The following MYO10 variants were observed in gnomAD, a reference collection of about 807,000 sequenced individuals.
The protein encoded by MYO10 is myosin X.
In MYO10, 133 loss-of-function variants were observed where a neutral mutation model predicts 257.3. The ratio of observed to expected loss-of-function variants is 0.52; its 90% CI spans 0.45 to 0.60. The LOEUF (loss-of-function observed/expected upper bound fraction) is 0.60, where lower values mean the gene tolerates loss of function less well. Ranked by LOEUF, MYO10 falls within the 20% of genes least tolerant of loss-of-function variation. The pLI is 0.00. For synonymous variants in MYO10, 1,104 were observed against 1,028.6 expected, an observed-to-expected ratio of 1.07 and a Z score of -1.40; for missense variants, 2,399 against 2,635.7, an observed-to-expected ratio of 0.91 and a Z score of 1.97.
At chr5:16,917,979 T>C (rs1358258203) in intron 1 of MYO10, among the ~76,000 whole-genome samples, 2 of 152,224 alleles carry the variant, frequency 1.3e-5, no homozygotes, top group African/African-American at 2.4e-5. Flanking sequence ...GCTAGCCACT[T>C]TCTTTTTAAA....
At chr5:16,704,088 A>G (rs1486121288) in intron 22 of MYO10, among the ~76,000 whole-genome samples, 1 of 152,018 alleles carries the variant, frequency 6.6e-6, no homozygotes, top group Non-Finnish European at 1.5e-5. Context: ...GCACTTTGTC[A>G]GCCGGGAGGA....
intron 1 of MYO10, among the ~76,000 whole-genome samples, chr5:16,925,408 T>TGGTACACGCATTAC (rs1442079759): frequency 6.6e-6 from 1 of 152,182 alleles, no homozygotes; most frequent in Non-Finnish European, 1.5e-5. Flanking sequence ...ATATGCATTA[T>TGGTACACGCATTAC]GGTACACGCA....
intron 6 of MYO10, 137 bp from the exon 7 acceptor site, chr5:16,780,878 C>A: frequency 1.2e-6 from 1 of 854,994 alleles, no homozygotes; most frequent in Non-Finnish European, 1.8e-6. Context: ...CTTCCAGTGC[C>A]AACAGACAAG....
At chr5:16,836,120 G>C (rs191674204) in intron 2 of MYO10, among the ~76,000 whole-genome samples, 6 of 152,178 alleles carry the variant, frequency 3.9e-5, no homozygotes, top group African/African-American at 7.2e-5. Flanking sequence ...GCATACTATC[G>C]TCAGTATCCT....
At chr5:16,882,258 G>T (rs1744773555) in intron 1 of MYO10, among the ~76,000 whole-genome samples, 1 of 152,096 alleles carries the variant, frequency 6.6e-6, no homozygotes, top group Admixed American at 6.5e-5. Context: ...TGATTTCCTG[G>T]ATATAATAAA....
chr5:16,675,032 T>C lies in MYO10; in HGVS notation c.4785A>G (p.Thr1595=). 6.2e-7 allele frequency: 1 copy of C among 1,613,992 alleles called. No homozygotes were observed. Among genetic ancestry groups the C allele is most frequent in the African/African-American group, 1.3e-5 (1 of 75,048 alleles). ...PIPIIQGILQ[T]GHDLRPLRDE... ...CCCGCAGAGGTCGCAGGTCATGCCC[T>C]GTCTGTAGGATGCCCTGGATTATTG... Residue 1595 remains threonine, a synonymous_variant, in exon 35 of 41, where the codon ACA becomes ACG. Coordinates refer to ENST00000513610, the MANE Select transcript of MYO10 (RefSeq NM_012334.3).
rs369652339 is a variant in MYO10 at position 16,701,518 on chromosome 5, C to T, written c.2877G>A (p.Arg959=). The T allele has an allele frequency of 4.6e-5, 74 of 1,613,910 alleles. No homozygotes were observed. Among genetic ancestry groups the T allele is most frequent in the Non-Finnish European group, 5.8e-5 (68 of 1,179,912 alleles). The part of the protein sequence containing the change: ...EIDECVRNIE[R]SLSVGSEFSS... ...AAAATTCGCTTCCCACCGACAGGGA[C>T]CGCTCGATATTCCGGACACACTCGT... Residue 959 remains arginine, a synonymous_variant, in exon 25 of 41, where the codon CGG becomes CGA. Transcript: ENST00000513610. This position sits in a 1 kb window ranked among gnomAD's most constrained non-coding sequence, Gnocchi z 8.1.
rs543911879 is a variant in MYO10, at chr5:16,902,295, T to C, written c.22-24588A>G. ...TTCAGTCTTTAAGAACTCAGCTCCT[T>C]ACATGGGCTTTGGTAGGGGACATGG... On this transcript the variant is annotated intron_variant, in intron 1 of 40. Transcript: ENST00000513610. The C allele has an allele frequency of 2.4e-5, 19 of 806,672 alleles. No individual in the cohort carries two copies. The African/African-American group carries it at 3.0e-4, about 13-fold the overall frequency. The allele number at this position is 806,672 out of a possible 1,614,324, so 50.0% of individuals were successfully genotyped here.
chr5:16,678,740 T>C (rs1327164697), intron 33 of MYO10, among the ~76,000 whole-genome samples: 1 of 152,232 alleles, frequency 6.6e-6, no homozygotes, highest in East Asian at 1.9e-4. Flanking sequence ...CCACAAAAAC[T>C]GAGTTCCCTC....
At chr5:16,773,490 C>T (rs1386816583) in intron 9 of MYO10, among the ~76,000 whole-genome samples, 1 of 151,522 alleles carries the variant, frequency 6.6e-6, no homozygotes, top group East Asian at 1.9e-4. Flanking sequence ...AGCAAGAACC[C>T]CATTTCTAAA....
In MYO10 at chr5:16,824,594, C is replaced by T. The variant is rs534996425; in HGVS notation, c.121-6427G>A. Among the ~76,000 whole-genome samples, 100 of 152,218 alleles carry T rather than the reference C, an allele frequency of 6.6e-4. 1 individual carries two copies. The highest frequency in any genetic ancestry group is 2.2e-3 in the African/African-American group (92 of 41,526). ...ATCATAAAAACATCTTTCAGCCGGG[C>T]GCGGTGGCTCACGCTTGTAATCCCA... On this transcript the variant is annotated intron_variant, in intron 2 of 40. Coordinates refer to ENST00000513610, the MANE Select transcript of MYO10 (RefSeq NM_012334.3).
intron 2 of MYO10, among the ~76,000 whole-genome samples, chr5:16,853,338 C>T (rs1490456353): frequency 6.6e-6 from 1 of 150,690 alleles, no homozygotes; most frequent in African/African-American, 2.4e-5. Flanking sequence ...CGCGCCACTG[C>T]ACTCCAGCCT....
intron 1 of MYO10, among the ~76,000 whole-genome samples, chr5:16,919,086 T>C (rs1298929422): frequency 6.6e-6 from 1 of 152,072 alleles, no homozygotes; most frequent in Non-Finnish European, 1.5e-5. Flanking sequence ...TTCAAAAGCC[T>C]ACCAGAACGG....
intron 2 of MYO10, among the ~76,000 whole-genome samples, chr5:16,838,403 T>C (rs566256542): frequency 6.6e-6 from 1 of 152,322 alleles, no homozygotes; most frequent in East Asian, 1.9e-4. Context: ...GCCACAACAA[T>C]CCCTTCAGCC....
rs1303216249 is a variant in MYO10, at chr5:16,935,886, C to T, written c.-78G>A. ...AGCGCCGCCGCGGGTCCGGGGAAAC[C>T]ATGCGTGTCACGGCGCCACTCCCGA... On this transcript the variant is annotated 5_prime_UTR_variant, in exon 1 of 41. It removes an upstream start codon present in the reference 5' UTR. Coordinates refer to ENST00000513610, the MANE Select transcript of MYO10 (RefSeq NM_012334.3). The T allele has an allele frequency of 6.4e-7, 1 of 1,568,892 alleles. No individual in the cohort carries two copies. The highest frequency in any genetic ancestry group is 2.3e-5 in the East Asian group (1 of 42,736).
intron 21 of MYO10, among the ~76,000 whole-genome samples, chr5:16,710,009 G>A (rs550727126): frequency 1.6e-4 from 25 of 152,178 alleles, no homozygotes; most frequent in African/African-American, 4.6e-4. Flanking sequence ...CTCTTCCCCC[G>A]CTTTCTCCCT....
intron 2 of MYO10, among the ~76,000 whole-genome samples, chr5:16,865,811 G>GATGATA (rs1554004308): frequency 7.0e-6 from 1 of 142,630 alleles, no homozygotes; most frequent in Admixed American, 7.1e-5. Context: ...ACTCCGTCTC[G>GATGATA]ATAATAATAA....
chr5:16,743,757 T>A (rs773701250), intron 19 of MYO10, among the ~76,000 whole-genome samples: 1 of 152,204 alleles, frequency 6.6e-6, no homozygotes, highest in Non-Finnish European at 1.5e-5. Flanking sequence ...TATGAACTGA[T>A]AATAAACATC....
At chr5:16,914,956 C>T (rs1745774319) in intron 1 of MYO10, among the ~76,000 whole-genome samples, 1 of 152,106 alleles carries the variant, frequency 6.6e-6, no homozygotes, top group African/African-American at 2.4e-5. Flanking sequence ...AAAAGTATAA[C>T]CTTAAATAAA....
Sources: gnomAD v4.1 joint callset for allele counts (sites outside exome capture counted in the v4.1 genomes callset) on GRCh38, gnomAD v4.1.1 for gene constraint, Gnocchi (gnomAD v3.1) non-coding constraint, MANE v1.5 for transcripts, NCBI Gene and HGNC (gene_info 2026-07-23, HGNC 2026-07-21) for gene names.